The following CC2D2B variants were observed in gnomAD, a reference collection of about 807,000 sequenced individuals.
CC2D2B encodes the protein coiled-coil and C2 domain containing 2B, also known as protein CC2D2B.
In CC2D2B, 128 loss-of-function variants were observed where a neutral mutation model predicts 161.2. The ratio of observed to expected loss-of-function variants is 0.79; its 90% confidence interval spans 0.69 to 0.92. The LOEUF is 0.92. CC2D2B is among the 40% of genes least tolerant of loss of function. CC2D2B has a pLI of 0.00. For synonymous variants in CC2D2B, 391 were observed against 449.8 expected, an observed-to-expected ratio of 0.87 and a Z score of 1.65; for missense variants, 1,173 against 1,375.1, an observed-to-expected ratio of 0.85 and a Z score of 2.32.
chr10:95,951,821 G>A (rs973196757), intron 10 of CC2D2B, among the ~76,000 whole-genome samples: 1 of 151,470 alleles, frequency 6.6e-6, no homozygotes, highest in Admixed American at 6.6e-5. Flanking sequence ...AAACTTTTGG[G>A]GTTATTATTT....
chr10:95,914,600 G>A (rs1184500458), intron 2 of CC2D2B, among the ~76,000 whole-genome samples: 3 of 152,158 alleles, frequency 2.0e-5, no homozygotes, highest in African/African-American at 7.2e-5. Context: ...GTGAGTGAGT[G>A]AGTCTCACAA....
In CC2D2B at chr10:96,025,177, ATAT is replaced by A. The variant is rs1564684069; in HGVS notation, c.3947+267_3947+269del. 2.9e-4 allele frequency among the ~76,000 whole-genome samples: 7 copies of A among 23,886 alleles called. No individual in the cohort carries two copies. In the East Asian group the frequency reaches 7.4e-3, roughly 25 times the overall value. 15.7% of individuals were successfully genotyped at this position (23,886 alleles called of 152,430 possible). A position where few individuals can be genotyped will look rare whatever the true frequency, so the allele number is the denominator to read the frequency against. Reference sequence around the variant, plus strand: ...AAAATATATATATATATATATATATATATATATAAAAAAAAATATATATATATA... The same window carrying A: ...AAAATATATATATATATATATATATAATATAAAAAAAAATATATATATATA... On this transcript the variant is annotated intron_variant, in intron 33 of 34. Coordinates refer to ENST00000646931, the MANE Select transcript of CC2D2B (RefSeq NM_001349008.3).
rs975953228 is a variant in CC2D2B, at chr10:96,012,302, TTAAA to T, written c.3166_3169del (p.Asn1056PhefsTer18). 2.8e-6 allele frequency: 2 copies of T among 712,334 alleles called. No individual in the cohort carries two copies. The highest frequency in any genetic ancestry group is 5.2e-6 in the Non-Finnish European group (2 of 384,138). 44.1% of individuals were successfully genotyped at this position (712,334 alleles called of 1,614,324 possible). A position where few individuals can be genotyped will look rare whatever the true frequency, so the allele number is the denominator to read the frequency against. On this transcript the variant is annotated frameshift_variant, in exon 27 of 35. Transcript: ENST00000646931. LOFTEE classifies it high-confidence loss of function. ...GCAGAATTTAAAAGAATGTACATTC[TTAAA>T]TATTTTTGCTACCATTGAACCTCAA...
intron 6 of CC2D2B, among the ~76,000 whole-genome samples, chr10:95,932,110 C>T (rs2075623700): frequency 6.6e-6 from 1 of 152,098 alleles, no homozygotes; most frequent in Non-Finnish European, 1.5e-5. Context: ...CTTCTTGTTG[C>T]ATCAATCCTT....
At chr10:95,963,961 A>G (rs2076854964) in intron 12 of CC2D2B, among the ~76,000 whole-genome samples, 1 of 152,134 alleles carries the variant, frequency 6.6e-6, no homozygotes, top group South Asian at 2.1e-4. Flanking sequence ...GTCAGTCGCT[A>G]TAGATGATAG....
chr10:95,908,137 A>C (rs563787053), intron 1 of CC2D2B, 80 bp downstream of exon 1: 14 of 152,210 alleles, frequency 9.2e-5, no homozygotes, highest in Non-Finnish European at 1.9e-4. Context: ...GCTCTGCTGC[A>C]TGGGCAGAAC....
rs778227209 is a variant in CC2D2B, at chr10:95,996,269, T to C, written c.2849+17T>C. ...AGATTTTGTGTAAGTTGGAGTTCAT[T>C]TTTCCATAGCTCCTAAAAAAAGAGC... is the stretch of plus-strand genomic sequence containing the variant. On this transcript the variant is annotated intron_variant, in intron 24 of 34. Transcript: ENST00000646931. 209 of 1,133,174 alleles carry C rather than the reference T, an allele frequency of 1.8e-4. No homozygotes were observed. Among genetic ancestry groups the C allele is most frequent in the Non-Finnish European group, 2.6e-4 (206 of 803,162 alleles). 70.2% of individuals were successfully genotyped at this position (1,133,174 alleles called of 1,614,324 possible). A position where few individuals can be genotyped will look rare whatever the true frequency, so the allele number is the denominator to read the frequency against.
At chr10:96,023,597 A>G (rs566776260) in intron 32 of CC2D2B, among the ~76,000 whole-genome samples, 64 of 152,336 alleles carry the variant, frequency 4.2e-4, no homozygotes, top group Non-Finnish European at 7.5e-4. Context: ...GGTGACAGTA[A>G]TCAGGGAATT....
At chr10:95,936,382 G>A (rs12765198) in intron 6 of CC2D2B, among the ~76,000 whole-genome samples, 24,734 of 152,056 alleles carry the variant, frequency 0.16, 2,145 homozygotes, top group Middle Eastern at 0.26. Flanking sequence ...GGGAGCCCTC[G>A]TTCCAGATAT....
chr10:95,921,853 G>T (rs1019456007), intron 2 of CC2D2B, among the ~76,000 whole-genome samples, 163 bp from the exon 3 acceptor site: 1 of 152,048 alleles, frequency 6.6e-6, no homozygotes, highest in Non-Finnish European at 1.5e-5. Flanking sequence ...TGTAAATGAC[G>T]AGTTGATGGG....
intron 6 of CC2D2B, among the ~76,000 whole-genome samples, chr10:95,936,201 G>C (rs2075816022): frequency 6.6e-6 from 1 of 152,118 alleles, no homozygotes; most frequent in East Asian, 1.9e-4. Flanking sequence ...GGGCAAATGG[G>C]CTTCTTGGGT....
At chr10:95,939,953 T>C (rs905445394) in intron 9 of CC2D2B, among the ~76,000 whole-genome samples, 1 of 152,162 alleles carries the variant, frequency 6.6e-6, no homozygotes, top group African/African-American at 2.4e-5. Flanking sequence ...AAGAAATACC[T>C]GAGACTGGGT....
intron 17 of CC2D2B, among the ~76,000 whole-genome samples, chr10:95,980,556 A>G (rs1230346333): frequency 3.9e-5 from 6 of 152,174 alleles, no homozygotes; most frequent in Non-Finnish European, 8.8e-5. Context: ...TTATTACATG[A>G]TGGTGTAAAG....
At chr10:96,003,101 G>A (rs2078581491) in intron 24 of CC2D2B, among the ~76,000 whole-genome samples, 2 of 150,412 alleles carry the variant, frequency 1.3e-5, no homozygotes, top group Admixed American at 6.6e-5. Context: ...TCCAGATCAG[G>A]CTCTGTGATT....
chr10:95,917,433 T>TCTTC (rs751676905), intron 2 of CC2D2B, among the ~76,000 whole-genome samples: 122 of 152,212 alleles, frequency 8.0e-4, no homozygotes, highest in African/African-American at 2.2e-3. Context: ...GGTTGTTCTG[T>TCTTC]CTTCCTTCCT....
At chr10:96,000,100 T>C in intron 24 of CC2D2B, 4 of 1,494,112 alleles carry the variant, frequency 2.7e-6, no homozygotes, top group Non-Finnish European at 3.6e-6. Flanking sequence ...CATTCCTTTT[T>C]AAACAATATC....
Position 96,012,734 on chromosome 10 carries a change from G to A in CC2D2B, c.3426+5G>A. 4 of 1,533,686 alleles carry A rather than the reference G, an allele frequency of 2.6e-6. No individual in the cohort carries two copies. Among genetic ancestry groups the A allele is most frequent in the Non-Finnish European group, 3.6e-6 (4 of 1,107,654 alleles). The stretch of plus-strand genomic sequence containing the variant: ...CACAATTCTAATGCAACATTTGTAA[G>A]TTATTATTATTTTTAACATCTTCAT... On this transcript the variant is annotated splice_donor_5th_base_variant and intron_variant, in intron 28 of 34. Transcript: ENST00000646931.
intron 22 of CC2D2B, among the ~76,000 whole-genome samples, chr10:95,993,535 T>A (rs2141681119): frequency 1.3e-5 from 2 of 152,176 alleles, no homozygotes; most frequent in Non-Finnish European, 2.9e-5. Context: ...TAACATCTCT[T>A]AAAGGTTTTG....
chr10:96,025,168 T>TATAAA (rs2079658721), intron 33 of CC2D2B, among the ~76,000 whole-genome samples: 14 of 12,512 alleles, frequency 1.1e-3, no homozygotes, highest in African/African-American at 6.2e-3. Flanking sequence ...TATATATATA[T>TATAAA]ATATATATAT....
Sources: allele counts gnomAD v4.1 joint callset (sites outside exome capture counted in the v4.1 genomes callset), GRCh38; gene constraint gnomAD v4.1.1; transcripts MANE v1.5; gene names NCBI Gene and HGNC (gene_info 2026-07-23, HGNC 2026-07-21).